Variants in UNC13A observed in about 807,000 individuals in gnomAD.
UNC13A encodes protein unc-13 homolog A.
A neutral mutation model predicts 219.7 loss-of-function variants in UNC13A; 61 were observed. That is an observed-to-expected ratio of 0.28 (90% CI 0.23 to 0.34). The LOEUF (loss-of-function observed/expected upper bound fraction) is 0.34, where lower values mean the gene tolerates loss of function less well. Among genes scored for constraint, UNC13A ranks in the 10% least tolerant of loss-of-function variants. The probability of loss-of-function intolerance (pLI) is 1.00; values close to 1 mark genes in which losing one functional copy is unlikely to be tolerated. For missense variants in UNC13A, 1,476 were observed against 2,270.3 expected, an observed-to-expected ratio of 0.65 and a Z score of 7.11; for synonymous variants, 920 against 884.6, an observed-to-expected ratio of 1.04 and a Z score of -0.71.
In UNC13A at chr19:17,674,966, C is replaced by T. The variant is rs2079868767; in HGVS notation, c.53-210G>A. Among the ~76,000 whole-genome samples the T allele has an allele frequency of 6.6e-6, 1 of 152,116 alleles. No individual in the cohort carries two copies. Among genetic ancestry groups the T allele is most frequent in the Non-Finnish European group, 1.5e-5 (1 of 68,026 alleles). On this transcript the variant is annotated intron_variant, in intron 2 of 43. Transcript: ENST00000519716. This position sits in a 1 kb window ranked among gnomAD's most constrained non-coding sequence, Gnocchi z 5.0. ...ACTTCATCCAGCTGCTTCGAAATGACCATGCCATTGGTTTTCAGCTAAAAA... is the reference window on the plus strand; with the variant it reads ...ACTTCATCCAGCTGCTTCGAAATGATCATGCCATTGGTTTTCAGCTAAAAA...
chr19:17,627,852 C>T lies in UNC13A; in HGVS notation c.3831+11G>A, dbSNP rs2144989653. 1.9e-6 allele frequency: 3 copies of T among 1,594,222 alleles called. No homozygotes were observed. Among genetic ancestry groups the T allele is most frequent in the Non-Finnish European group, 2.6e-6 (3 of 1,168,932 alleles). ...CATCCCTTCTCCAGCCCTGCCTCGG[C>T]CCTGCCTCACCTCCTTTCCTCCCAT... On this transcript the variant is annotated intron_variant, in intron 32 of 43. Transcript: ENST00000519716. This position sits in a 1 kb window ranked among gnomAD's most constrained non-coding sequence, Gnocchi z 4.7.
rs750204115 is a variant in UNC13A at position 17,626,717 on chromosome 19, C to T, written c.3989G>A (p.Gly1330Asp). ...GCTGCAGGCACTGGCTGGCACATTG[C>T]CTGTGCCCTTAACCTGGCTAAGGAT... ...GDILSQVKGT[G>D]NVPASACSSV... The change falls in exon 34 of 44, where the codon GGC becomes GAC. Residue 1330 changes from glycine (G) to aspartate (D), a missense_variant. Gly to Asp is a moderately conservative substitution (Grantham distance 94). Around this residue, in one of 14 missense-constraint regions of UNC13A, gnomAD observed 218 missense variants for 409.4 expected, o/e 0.53. Coordinates refer to ENST00000519716, the MANE Select transcript of UNC13A (RefSeq NM_001080421.3). 7.5e-6 allele frequency: 12 copies of T among 1,608,902 alleles called. No homozygotes were observed. Among genetic ancestry groups the T allele is most frequent in the Non-Finnish European group, 1.0e-5 (12 of 1,177,976 alleles).
At position 17,640,645 on chromosome 19, in the gene UNC13A, A is replaced by T; in HGVS notation, c.2653T>A (p.Ser885Thr). 1 of 1,590,734 alleles carries T rather than the reference A, an allele frequency of 6.3e-7. No individual in the cohort carries two copies. The highest frequency in any genetic ancestry group is 8.6e-7 in the Non-Finnish European group (1 of 1,169,464). ...ACCCCTGGGCACATATACTTGGAGG[A>T]GAGGCAGGCAAAGTGGCTGGAGAGA... ...YQAMTHFACL[S>T]SKYMCPGVPA... is the part of the protein sequence containing the mutation. The change falls in exon 22 of 44, where the codon TCC (serine) becomes ACC (threonine). Residue 885 changes from serine (S) to threonine (T), a missense_variant. Physicochemically the swap from Ser to Thr is moderately conservative, Grantham distance 58. This residue lies in a region of UNC13A where 140 missense variants were observed against 270.9 expected (regional missense o/e 0.52). Transcript: ENST00000519716.
chr19:17,644,501 A>AT (rs35342820), intron 19 of UNC13A, among the ~76,000 whole-genome samples: 12 of 128,060 alleles, frequency 9.4e-5, no homozygotes, highest in East Asian at 4.9e-4. Flanking sequence ...CCTGGATTCC[A>AT]TTTTTTTTTT....
intron 43 of UNC13A, among the ~76,000 whole-genome samples, chr19:17,608,543 A>T (rs1011986856): frequency 6.7e-6 from 1 of 148,306 alleles, no homozygotes; most frequent in South Asian, 2.1e-4. Context: ...TTTTAGACGG[A>T]GTCTTGCTCT....
At chr19:17,611,710 G>A in intron 42 of UNC13A, 53 bp downstream of exon 42, 4 of 1,518,156 alleles carry the variant, frequency 2.6e-6, no homozygotes, top group East Asian at 2.3e-5. Context: ...GCCAGTTTGA[G>A]TTTGGTTTCT....
At chr19:17,631,616 G>A (rs1011149247) in intron 28 of UNC13A, among the ~76,000 whole-genome samples, 9 of 152,092 alleles carry the variant, frequency 5.9e-5, no homozygotes, top group Non-Finnish European at 1.2e-4. Context: ...AGGAACCGGC[G>A]GCACCGTACT....
chr19:17,656,880 C>T (rs908422615), intron 9 of UNC13A, among the ~76,000 whole-genome samples: 2 of 149,104 alleles, frequency 1.3e-5, no homozygotes, highest in African/African-American at 4.9e-5. Flanking sequence ...AAAAAAAATT[C>T]CCACTTTTGT....
intron 25 of UNC13A, among the ~76,000 whole-genome samples, chr19:17,637,399 A>G (rs961707904): frequency 1.3e-5 from 2 of 150,982 alleles, no homozygotes; most frequent in Non-Finnish European, 2.9e-5. Context: ...CCAGGTTCAC[A>G]CCATTCTCCT....
chr19:17,632,209 C>T (rs774832907), intron 28 of UNC13A, among the ~76,000 whole-genome samples: 2 of 152,202 alleles, frequency 1.3e-5, no homozygotes, highest in Admixed American at 1.3e-4. Flanking sequence ...CTGCGCCCGG[C>T]CAATTTTTGT....
At chr19:17,648,771 T>C in intron 15 of UNC13A, 121 bp from the exon 16 acceptor site, 1 of 1,495,762 alleles carries the variant, frequency 6.7e-7, no homozygotes, top group Non-Finnish European at 9.1e-7. Context: ...CTCCACGCTG[T>C]CGGAATCCAC....
At chr19:17,634,555 G>T (rs1216296513) in intron 26 of UNC13A, among the ~76,000 whole-genome samples, 1 of 152,122 alleles carries the variant, frequency 6.6e-6, no homozygotes, top group Non-Finnish European at 1.5e-5. Context: ...GGCCAGGCTG[G>T]TCTCAAACTC....
At chr19:17,639,692 G>A (rs776467368) in intron 23 of UNC13A, 148 bp downstream of exon 23, 3 of 1,134,086 alleles carry the variant, frequency 2.6e-6, no homozygotes, top group Non-Finnish European at 3.9e-6. Flanking sequence ...ATTACGGCAG[G>A]TAGTGCCCAT....
At chr19:17,629,433 GAC>G (rs1158497593) in intron 30 of UNC13A, 110 bp from the exon 31 acceptor site, 1 of 946,114 alleles carries the variant, frequency 1.1e-6, no homozygotes, top group African/African-American at 1.6e-5. Flanking sequence ...ACCCTATTAG[GAC>G]CTAAGATGGG....
At chr19:17,622,762 A>T (rs878861028) in intron 36 of UNC13A, 1 of 153,238 alleles carries the variant, frequency 6.5e-6, no homozygotes, top group Admixed American at 6.6e-5. Flanking sequence ...TCCTGGGTTC[A>T]GGCAATACTG....
At chr19:17,625,829 C>T (rs2076776365) in intron 34 of UNC13A, among the ~76,000 whole-genome samples, 2 of 148,844 alleles carry the variant, frequency 1.3e-5, no homozygotes, top group Non-Finnish European at 3.0e-5. Context: ...ACCCACCCAC[C>T]CATCCAACCA....
At chr19:17,661,418 G>A (rs1393892417) in intron 8 of UNC13A, among the ~76,000 whole-genome samples, 1 of 152,094 alleles carries the variant, frequency 6.6e-6, no homozygotes, top group Non-Finnish European at 1.5e-5. Flanking sequence ...GACTGGCCAG[G>A]CATGGTAGCT....
intron 4 of UNC13A, among the ~76,000 whole-genome samples, chr19:17,670,452 A>G (rs1349248868): frequency 6.7e-6 from 1 of 149,544 alleles, no homozygotes; most frequent in East Asian, 2.0e-4. Flanking sequence ...CATGTTGCCC[A>G]GGCTGGTCTG....
chr19:17,646,237 G>GCCCA, intron 17 of UNC13A, 126 bp from the exon 18 acceptor site: 5 of 1,302,994 alleles, frequency 3.8e-6, no homozygotes, highest in Non-Finnish European at 4.2e-6. Flanking sequence ...GCAATGGCAG[G>GCCCA]GCACGCTGGG....
Sources: allele counts gnomAD v4.1 joint callset (sites outside exome capture counted in the v4.1 genomes callset), GRCh38; gene constraint gnomAD v4.1.1; regional missense constraint gnomAD v4.1.1; non-coding constraint Gnocchi (gnomAD v3.1); transcripts MANE v1.5; gene names NCBI Gene and HGNC (gene_info 2026-07-23, HGNC 2026-07-21).